The following CDH18 variants were observed in gnomAD, a reference collection of about 807,000 sequenced individuals.
The protein encoded by CDH18 is cadherin-18.
CDH18 carries 31 observed loss-of-function variants against 67.9 expected under a neutral mutation model. That is an observed-to-expected ratio of 0.46 (90% CI 0.34 to 0.62). The LOEUF (loss-of-function observed/expected upper bound fraction) is 0.62. Among genes scored for constraint, CDH18 ranks in the 20% least tolerant of loss-of-function variants. The probability of loss-of-function intolerance (pLI) is 0.01; values close to 1 mark genes in which losing one functional copy is unlikely to be tolerated. For missense variants in CDH18, 890 were observed against 975.5 expected, an observed-to-expected ratio of 0.91 and a Z score of 1.17; for synonymous variants, 362 against 347.2, an observed-to-expected ratio of 1.04 and a Z score of -0.48.
intron 1 of CDH18, among the ~76,000 whole-genome samples, chr5:20,575,300 A>G (rs1380300726): frequency 6.6e-6 from 1 of 152,154 alleles, no homozygotes; most frequent in Non-Finnish European, 1.5e-5. Context: ...ATATTAATAT[A>G]AACACAGTGT....
chr5:20,390,867 C>T (rs113629426), intron 1 of CDH18, among the ~76,000 whole-genome samples: 12 of 152,210 alleles, frequency 7.9e-5, no homozygotes, highest in Non-Finnish European at 1.5e-4. Flanking sequence ...AACCATCATT[C>T]TCAGCAAACT....
intron 3 of CDH18, among the ~76,000 whole-genome samples, chr5:19,801,106 C>T (rs780601994): frequency 2.6e-5 from 4 of 152,086 alleles, no homozygotes; most frequent in South Asian, 4.2e-4. Flanking sequence ...AATGACACTC[C>T]GTCTCAGAAC....
At chr5:20,263,752 A>G (rs372846911) in intron 1 of CDH18, among the ~76,000 whole-genome samples, 1 of 152,282 alleles carries the variant, frequency 6.6e-6, no homozygotes, top group South Asian at 2.1e-4. Flanking sequence ...AAAACCTACC[A>G]ATTGTTGAGT....
chr5:20,262,628 G>A (rs1034618288), intron 1 of CDH18, among the ~76,000 whole-genome samples: 2 of 152,046 alleles, frequency 1.3e-5, no homozygotes, highest in Admixed American at 1.3e-4. Flanking sequence ...ATCAAATGAT[G>A]TATTTTCTGT....
intron 1 of CDH18, among the ~76,000 whole-genome samples, chr5:20,450,240 G>C (rs1750333861): frequency 6.6e-6 from 1 of 152,202 alleles, no homozygotes; most frequent in Non-Finnish European, 1.5e-5. Flanking sequence ...CCAGCTACTT[G>C]GGAGGCTGAA....
chr5:19,747,996 C>T (rs1256366300), intron 3 of CDH18, among the ~76,000 whole-genome samples: 2 of 149,402 alleles, frequency 1.3e-5, no homozygotes, highest in Admixed American at 1.3e-4. Flanking sequence ...GCCTGTAGTC[C>T]CAGCTACTCG....
chr5:19,851,262 C>T (rs1261018705), intron 2 of CDH18, among the ~76,000 whole-genome samples: 1 of 151,468 alleles, frequency 6.6e-6, no homozygotes, highest in Non-Finnish European at 1.5e-5. Flanking sequence ...TTTATATCGG[C>T]TTTTCCAGAG....
At chr5:20,416,196 G>C (rs1039779) in intron 1 of CDH18, among the ~76,000 whole-genome samples, 1 of 151,888 alleles carries the variant, frequency 6.6e-6, no homozygotes, top group African/African-American at 2.4e-5. Context: ...TTATGGAAAG[G>C]AAAAATGAAC....
At chr5:20,490,433 T>C (rs1165951357) in intron 1 of CDH18, among the ~76,000 whole-genome samples, 1 of 152,134 alleles carries the variant, frequency 6.6e-6, no homozygotes, top group Non-Finnish European at 1.5e-5. Context: ...TTAATTATCT[T>C]TAATATAAAA....
At chr5:19,994,271 A>G (rs1050612665) in intron 2 of CDH18, among the ~76,000 whole-genome samples, 10 of 148,542 alleles carry the variant, frequency 6.7e-5, no homozygotes, top group East Asian at 2.0e-4. Flanking sequence ...ACATATATGT[A>G]TACATATATA....
intron 5 of CDH18, among the ~76,000 whole-genome samples, chr5:19,662,283 C>A (rs1186034195): frequency 6.6e-6 from 1 of 151,780 alleles, no homozygotes; most frequent in African/African-American, 2.4e-5. Context: ...TCTTGATATT[C>A]CGGCATTTAT....
chr5:19,900,822 C>T (rs1454290071), intron 2 of CDH18, among the ~76,000 whole-genome samples: 5 of 152,112 alleles, frequency 3.3e-5, no homozygotes, highest in Non-Finnish European at 7.4e-5. Flanking sequence ...ATTTTATAAG[C>T]TATTATGTTT....
Position 19,930,958 on chromosome 5 carries a change from G to A in CDH18, c.-257+50102C>T, listed in dbSNP as rs370558337. On this transcript the variant is annotated intron_variant, in intron 2 of 12. Transcript: ENST00000382275. Reference sequence around the variant, plus strand: ...CTTATAAACTTAAGAATGGAAGTGTGATCAAGACTCTCAGTTGCTACATCT... The same window carrying A: ...CTTATAAACTTAAGAATGGAAGTGTAATCAAGACTCTCAGTTGCTACATCT... Among the ~76,000 whole-genome samples, 11 of 152,118 alleles carry A rather than the reference G, an allele frequency of 7.2e-5. No homozygotes were observed. In the East Asian group the frequency reaches 9.7e-4, roughly 13 times the overall value.
intron 2 of CDH18, among the ~76,000 whole-genome samples, chr5:19,940,045 G>T (rs1483735788): frequency 6.6e-6 from 1 of 151,676 alleles, no homozygotes; most frequent in African/African-American, 2.4e-5. Flanking sequence ...TTCAATATTT[G>T]CATCTACATG....
chr5:20,306,587 T>A (rs1190214198), intron 1 of CDH18, among the ~76,000 whole-genome samples: 1 of 152,188 alleles, frequency 6.6e-6, no homozygotes, highest in Non-Finnish European at 1.5e-5. Context: ...TTGAATAAAT[T>A]GAAATTTAAA....
intron 4 of CDH18, among the ~76,000 whole-genome samples, chr5:19,729,783 T>A (rs1198992763): frequency 2.0e-5 from 3 of 152,198 alleles, no homozygotes; most frequent in Non-Finnish European, 4.4e-5. Context: ...ACTGATCGTA[T>A]GCCCACTAGT....
intron 4 of CDH18, among the ~76,000 whole-genome samples, chr5:19,729,443 T>C (rs1280154553): frequency 3.3e-5 from 5 of 152,334 alleles, no homozygotes; most frequent in Non-Finnish European, 7.4e-5. Flanking sequence ...CTTTCTCATA[T>C]ACACTATTAC....
At chr5:20,448,387 C>A (rs1371063365) in intron 1 of CDH18, among the ~76,000 whole-genome samples, 3 of 151,708 alleles carry the variant, frequency 2.0e-5, no homozygotes, top group Non-Finnish European at 4.4e-5. Flanking sequence ...TGATCTCTTT[C>A]ATCAGGCATG....
intron 10 of CDH18, among the ~76,000 whole-genome samples, chr5:19,520,398 A>G (rs908384440): frequency 1.3e-5 from 2 of 152,164 alleles, no homozygotes; most frequent in African/African-American, 4.8e-5. Context: ...TAAAGCATTC[A>G]ATATCATTTT....
Sources: allele counts gnomAD v4.1 joint callset (sites outside exome capture counted in the v4.1 genomes callset), GRCh38; gene constraint gnomAD v4.1.1; transcripts MANE v1.5; gene names NCBI Gene and HGNC (gene_info 2026-07-23, HGNC 2026-07-21).